Variants in DTNA observed in about 807,000 individuals in gnomAD.
DTNA encodes the protein dystrophin-related protein 3.
Under a neutral mutation model 100.7 loss-of-function variants are expected in DTNA, and 43 were observed. The observed-to-expected ratio is 0.43, with a 90% CI of 0.33 to 0.55. The LOEUF (loss-of-function observed/expected upper bound fraction) is 0.55. Ranked by LOEUF, DTNA falls within the 20% of genes least tolerant of loss-of-function variation. The probability of loss-of-function intolerance (pLI) is 0.04; values close to 1 mark genes in which losing one functional copy is unlikely to be tolerated. For synonymous variants in DTNA, 349 were observed against 347.9 expected (o/e 1.00, Z -0.04); for missense variants, 798 against 953.9 (o/e 0.84, Z 2.15).
intron 1 of DTNA, among the ~76,000 whole-genome samples, chr18:34,637,923 C>T (rs1280638783): frequency 6.6e-6 from 1 of 152,212 alleles, no homozygotes; most frequent in Non-Finnish European, 1.5e-5. Flanking sequence ...TCATTACAGT[C>T]TTTTCCATGT....
At chr18:34,812,520 G>A (rs1178403472) in intron 6 of DTNA, among the ~76,000 whole-genome samples, 1 of 152,144 alleles carries the variant, frequency 6.6e-6, no homozygotes, top group Non-Finnish European at 1.5e-5. Flanking sequence ...GGGAAGCAAA[G>A]ACCTACCTTC....
chr18:34,602,048 A>G (rs1357891665), intron 1 of DTNA, among the ~76,000 whole-genome samples: 1 of 152,208 alleles, frequency 6.6e-6, no homozygotes, highest in Non-Finnish European at 1.5e-5. Context: ...CTCAGGGAAT[A>G]TGGCACAGAG....
At chr18:34,580,342 A>G (rs2048497663) in intron 1 of DTNA, among the ~76,000 whole-genome samples, 2 of 152,224 alleles carry the variant, frequency 1.3e-5, no homozygotes, top group East Asian at 3.9e-4. Context: ...TTTATTTCAT[A>G]GTCACATTTT....
At chr18:34,789,900 G>A (rs1464567921) in intron 3 of DTNA, among the ~76,000 whole-genome samples, 3 of 151,988 alleles carry the variant, frequency 2.0e-5, no homozygotes, top group Non-Finnish European at 2.9e-5. Context: ...TGTTTTACAG[G>A]CATTATTTTA....
intron 1 of DTNA, among the ~76,000 whole-genome samples, chr18:34,690,349 C>T (rs981562377): frequency 6.6e-6 from 1 of 152,204 alleles, no homozygotes; most frequent in Non-Finnish European, 1.5e-5. Flanking sequence ...CACCCTCCCT[C>T]ATGGCAAGTT....
At chr18:34,509,707 T>C (rs946873307) in intron 1 of DTNA, among the ~76,000 whole-genome samples, 4 of 152,188 alleles carry the variant, frequency 2.6e-5, no homozygotes, top group Non-Finnish European at 5.9e-5. Context: ...AACATAGTGC[T>C]TAAACCTTTT....
At chr18:34,733,497 C>T (rs2088810053) in intron 1 of DTNA, among the ~76,000 whole-genome samples, 1 of 152,160 alleles carries the variant, frequency 6.6e-6, no homozygotes, top group Admixed American at 6.5e-5. Context: ...CCCACCGTGC[C>T]TTTGATGGTT....
At chr18:34,504,723 T>C (rs1311126041) in intron 1 of DTNA, among the ~76,000 whole-genome samples, 1 of 152,226 alleles carries the variant, frequency 6.6e-6, no homozygotes, top group Non-Finnish European at 1.5e-5. Flanking sequence ...TTTTCTTCTT[T>C]GGTAAAGTAG....
rs556641813 is a variant in DTNA, at chr18:34,807,878, GA to G, written c.448+1585del. On this transcript the variant is annotated intron_variant, in intron 5 of 22. Coordinates refer to ENST00000444659, the MANE Select transcript of DTNA (RefSeq NM_001386795.1). ...TTTCTTTTTTTTTTTCAAAAAAAAA[GA>G]AAAAAAAAAAGCTTCAGAGTAATCC... Among the ~76,000 whole-genome samples, 100 of 91,440 alleles carry G rather than the reference GA, an allele frequency of 1.1e-3. No homozygotes were observed. In the East Asian group the frequency reaches 0.02, roughly 18 times the overall value. 60.0% of individuals were successfully genotyped at this position (91,440 alleles called of 152,430 possible). A position where few individuals can be genotyped will look rare whatever the true frequency, so the allele number is the denominator to read the frequency against.
At chr18:34,509,817 A>G (rs2040855150) in intron 1 of DTNA, among the ~76,000 whole-genome samples, 1 of 152,122 alleles carries the variant, frequency 6.6e-6, no homozygotes, top group South Asian at 2.1e-4. Flanking sequence ...GCTAAAAATA[A>G]AAGTTCTCTA....
At chr18:34,659,397 C>T (rs1344794843) in intron 1 of DTNA, among the ~76,000 whole-genome samples, 1 of 150,568 alleles carries the variant, frequency 6.6e-6, no homozygotes, top group African/African-American at 2.5e-5. Context: ...ACTTCCAACA[C>T]ATCTTGATTT....
At chr18:34,863,662 G>A (rs2096658546) in intron 16 of DTNA, among the ~76,000 whole-genome samples, 1 of 152,190 alleles carries the variant, frequency 6.6e-6, no homozygotes, top group Non-Finnish European at 1.5e-5. Flanking sequence ...GCACATCACA[G>A]GGCCCACTAC....
chr18:34,585,012 CAATT>C (rs1412291964), intron 1 of DTNA, among the ~76,000 whole-genome samples: 2 of 152,048 alleles, frequency 1.3e-5, no homozygotes, highest in African/African-American at 4.8e-5. Flanking sequence ...GTAAAAGTAA[CAATT>C]AATGTAATAA....
chr18:34,863,848 C>T (rs554017371), intron 16 of DTNA, 118 bp from the exon 17 acceptor site: 20 of 943,082 alleles, frequency 2.1e-5, no homozygotes, highest in African/African-American at 3.2e-5. Context: ...TGCCTGGTAA[C>T]CTTGTCAGAG....
At chr18:34,789,998 G>A (rs2094647262) in intron 3 of DTNA, among the ~76,000 whole-genome samples, 1 of 152,154 alleles carries the variant, frequency 6.6e-6, no homozygotes, top group Non-Finnish European at 1.5e-5. Flanking sequence ...TAATTAGACT[G>A]ACAGTATACC....
Position 34,879,620 on chromosome 18 carries a change from C to G in DTNA, c.2063C>G (p.Pro688Arg), listed in dbSNP as rs201829681. The G allele has an allele frequency of 1.2e-6, 2 of 1,613,984 alleles. No individual in the cohort carries two copies. Among genetic ancestry groups the G allele is most frequent in the Non-Finnish European group, 1.7e-6 (2 of 1,179,990 alleles). Residue 688 changes from proline (P) to arginine (R), a missense_variant, in exon 20 of 23, where the codon CCC becomes CGC. By Grantham distance (103) the Pro-to-Arg change is moderately radical. Coordinates refer to ENST00000444659, the MANE Select transcript of DTNA (RefSeq NM_001386795.1). ...FARTQFEDLVPSPTSEKAFLA... is the reference protein window; with the variant it reads ...FARTQFEDLVRSPTSEKAFLA... ...CGGACTCAGTTTGAGGATCTTGTTC[C>G]CTCACCAACCTCTGAAAAGGCTTTT...
At chr18:34,592,882 A>T (rs1207308371) in intron 1 of DTNA, among the ~76,000 whole-genome samples, 1 of 152,166 alleles carries the variant, frequency 6.6e-6, no homozygotes, top group Admixed American at 6.5e-5. Flanking sequence ...GCCCTCCTCA[A>T]AGTTAAGAAA....
chr18:34,685,847 C>A (rs940648463), intron 1 of DTNA, among the ~76,000 whole-genome samples: 2 of 152,146 alleles, frequency 1.3e-5, no homozygotes, highest in Non-Finnish European at 2.9e-5. Flanking sequence ...TTGAAGAGGT[C>A]TTTCACATCC....
At chr18:34,881,952 G>A in intron 20 of DTNA, 117 bp from the exon 21 acceptor site, 1 of 1,408,768 alleles carries the variant, frequency 7.1e-7, no homozygotes, top group Non-Finnish European at 1.0e-6. Context: ...ACATGAAAGT[G>A]ACTTGGAGAA....
Sources: allele counts gnomAD v4.1 joint callset (sites outside exome capture counted in the v4.1 genomes callset), GRCh38; gene constraint gnomAD v4.1.1; transcripts MANE v1.5; gene names NCBI Gene and HGNC (gene_info 2026-07-23, HGNC 2026-07-21).